MSRA: variants seen among roughly 807,000 people sequenced by gnomAD.
MSRA encodes methionine sulfoxide reductase A, also known as mitochondrial peptide methionine sulfoxide reductase.
MSRA carries 54 observed loss-of-function variants against 31.3 expected under a neutral mutation model. The observed-to-expected ratio is 1.73, with a 90% CI of 1.39 to 2.17. MSRA has a LOEUF of 2.17. MSRA is among the 30% of genes most tolerant of loss of function. The probability of loss-of-function intolerance (pLI) is 0.00; values close to 1 mark genes in which losing one functional copy is unlikely to be tolerated. For missense variants in MSRA, 507 were observed against 300.9 expected, an observed-to-expected ratio of 1.69 and a Z score of -5.07; for synonymous variants, 169 against 116.5, an observed-to-expected ratio of 1.45 and a Z score of -2.90.
At chr8:10,230,042 A>ACT (rs1811333904) in intron 2 of MSRA, among the ~76,000 whole-genome samples, 1 of 152,230 alleles carries the variant, frequency 6.6e-6, no homozygotes, top group Non-Finnish European at 1.5e-5. Context: ...AAAATTTCAA[A>ACT]GTGTTACAGT....
At chr8:10,317,182 G>C (rs1018627550) in intron 4 of MSRA, among the ~76,000 whole-genome samples, 1 of 152,230 alleles carries the variant, frequency 6.6e-6, no homozygotes, top group African/African-American at 2.4e-5. Context: ...CTGAGGCGTT[G>C]TTCCTGACTT....
At chr8:10,142,733 G>C (rs181258603) in intron 1 of MSRA, among the ~76,000 whole-genome samples, 1 of 152,030 alleles carries the variant, frequency 6.6e-6, no homozygotes, top group Non-Finnish European at 1.5e-5. Flanking sequence ...GATTTTTCCC[G>C]GACTATTTGA....
At chr8:10,404,957 A>C (rs1337120437) in intron 5 of MSRA, among the ~76,000 whole-genome samples, 1 of 152,104 alleles carries the variant, frequency 6.6e-6, no homozygotes, top group Non-Finnish European at 1.5e-5. Context: ...GACAGAACCC[A>C]CGATGGCCGA....
At chr8:10,155,703 A>G (rs547511230) in intron 1 of MSRA, among the ~76,000 whole-genome samples, 37 of 152,266 alleles carry the variant, frequency 2.4e-4, no homozygotes, top group Admixed American at 5.9e-4. Flanking sequence ...CAAACTTGGG[A>G]TGGTTGGAAC....
At chr8:10,292,563 G>C (rs1361564836) in intron 3 of MSRA, among the ~76,000 whole-genome samples, 3 of 152,234 alleles carry the variant, frequency 2.0e-5, no homozygotes, top group Non-Finnish European at 4.4e-5. Flanking sequence ...CCACCCGGTG[G>C]GGGACCCCAG....
chr8:10,294,255 G>A (rs962105740), intron 3 of MSRA, among the ~76,000 whole-genome samples: 34 of 152,220 alleles, frequency 2.2e-4, no homozygotes, highest in Non-Finnish European at 4.1e-4. Context: ...GAAACTTTTA[G>A]ACATAGATTC....
intron 1 of MSRA, among the ~76,000 whole-genome samples, chr8:10,182,045 C>T (rs543593493): frequency 5.3e-5 from 8 of 152,072 alleles, no homozygotes; most frequent in African/African-American, 1.9e-4. Flanking sequence ...GGTACATGAC[C>T]CCATCTACAG....
At chr8:10,415,663 C>T (rs2129191416) in intron 5 of MSRA, among the ~76,000 whole-genome samples, 1 of 152,206 alleles carries the variant, frequency 6.6e-6, no homozygotes, top group African/African-American at 2.4e-5. Context: ...TGGCCTAGCC[C>T]ACCTTTCCAG....
intron 5 of MSRA, among the ~76,000 whole-genome samples, chr8:10,412,276 AACC>A (rs1324276070): frequency 6.6e-6 from 1 of 152,240 alleles, no homozygotes; most frequent in East Asian, 1.9e-4. Flanking sequence ...TCCAAATTTG[AACC>A]ACGTTTCTTT....
intron 1 of MSRA, among the ~76,000 whole-genome samples, chr8:10,205,257 A>G (rs1048166367): frequency 6.6e-6 from 1 of 152,052 alleles, no homozygotes; most frequent in African/African-American, 2.4e-5. Flanking sequence ...GTCCGGAAAA[A>G]GGGGTCATGA....
chr8:10,426,095 G>C (rs1479457993), intron 5 of MSRA, among the ~76,000 whole-genome samples: 1 of 152,188 alleles, frequency 6.6e-6, no homozygotes, highest in African/African-American at 2.4e-5. Context: ...GCAAATGCTA[G>C]CGATGGTTCA....
Position 10,319,978 on chromosome 8 carries a change from A to G in MSRA, c.532A>G (p.Asn178Asp). Residue 178 changes from asparagine (N) to aspartate (D), a missense_variant, in exon 5 of 6, where the codon AAC (asparagine) becomes GAC (aspartate). Asn to Asp is a conservative substitution (Grantham distance 23). Transcript: ENST00000317173. Reference protein sequence around the residue: ...QMEAALSSKENYQKVLSEHGF... With the variant: ...QMEAALSSKEDYQKVLSEHGF... ...GGAGGCAGCCCTGAGCTCCAAAGAG[A>G]ACTACCAAAAGGTAGGGATTGCTGG... The G allele has an allele frequency of 6.3e-7, 1 of 1,597,620 alleles. No individual in the cohort carries two copies. Among genetic ancestry groups the G allele is most frequent in the Non-Finnish European group, 8.5e-7 (1 of 1,172,254 alleles).
intron 2 of MSRA, among the ~76,000 whole-genome samples, chr8:10,236,087 A>T (rs2129075836): frequency 6.6e-6 from 1 of 152,320 alleles, no homozygotes; most frequent in East Asian, 1.9e-4. Context: ...CATGCATGAT[A>T]AAAAGCTTTT....
chr8:10,402,152 C>T (rs1426645166), intron 5 of MSRA, among the ~76,000 whole-genome samples: 1 of 152,188 alleles, frequency 6.6e-6, no homozygotes, highest in Non-Finnish European at 1.5e-5. Context: ...CGATCGTGAA[C>T]ATTGCTGAGG....
At chr8:10,346,733 T>A (rs1803800731) in intron 5 of MSRA, among the ~76,000 whole-genome samples, 1 of 152,200 alleles carries the variant, frequency 6.6e-6, no homozygotes, top group Non-Finnish European at 1.5e-5. Flanking sequence ...TTAGCTTTCT[T>A]GGGTTAGTCC....
intron 5 of MSRA, among the ~76,000 whole-genome samples, chr8:10,387,224 C>T (rs368504078): frequency 6.6e-6 from 1 of 152,148 alleles, no homozygotes; most frequent in East Asian, 1.9e-4. Flanking sequence ...GTAACATGAT[C>T]GATGTCACAA....
chr8:10,099,795 C>T (rs897883491), intron 1 of MSRA, among the ~76,000 whole-genome samples: 24 of 152,280 alleles, frequency 1.6e-4, no homozygotes, highest in Middle Eastern at 3.4e-3. Context: ...AAGGACTTGC[C>T]TGGTGTGGGG....
intron 3 of MSRA, among the ~76,000 whole-genome samples, chr8:10,286,246 A>T (rs1369123268): frequency 6.6e-6 from 1 of 152,176 alleles, no homozygotes; most frequent in Non-Finnish European, 1.5e-5. Context: ...GTTTGACTGT[A>T]TCCCCACCCA....
intron 1 of MSRA, among the ~76,000 whole-genome samples, chr8:10,089,687 G>A (rs1248276591): frequency 6.6e-6 from 1 of 152,210 alleles, no homozygotes; most frequent in Non-Finnish European, 1.5e-5. Context: ...TATGGCATTA[G>A]CATCTGCTGG....
Sources: allele counts gnomAD v4.1 joint callset (sites outside exome capture counted in the v4.1 genomes callset), GRCh38; gene constraint gnomAD v4.1.1; transcripts MANE v1.5; gene names NCBI Gene and HGNC (gene_info 2026-07-23, HGNC 2026-07-21).